TADA2A: variants seen among roughly 807,000 people sequenced by gnomAD.
TADA2A encodes transcriptional adaptor 2A.
A neutral mutation model predicts 67.4 loss-of-function variants in TADA2A; 38 were observed. The ratio of observed to expected loss-of-function variants is 0.56; its 90% CI spans 0.44 to 0.74. The LOEUF is 0.74. Ranked by LOEUF, TADA2A falls within the 30% of genes least tolerant of loss-of-function variation. TADA2A has a pLI of 0.00. For missense variants in TADA2A, 454 were observed against 547.0 expected (o/e 0.83, Z 1.70); for synonymous variants, 192 against 181.6 (o/e 1.06, Z -0.46).
At position 37,423,507 on chromosome 17, in the gene TADA2A, A is replaced by G. The variant is rs1270086600; in HGVS notation, c.26-2A>G. 1 of 1,606,220 alleles carries G rather than the reference A, an allele frequency of 6.2e-7. No individual in the cohort carries two copies. The highest frequency in any genetic ancestry group is 2.2e-5 in the East Asian group (1 of 44,810). On this transcript the variant is annotated splice_acceptor_variant, in intron 2 of 15. Coordinates refer to ENST00000615182, the MANE Select transcript of TADA2A (RefSeq NM_001166105.3). LOFTEE classifies it high-confidence loss of function. Reference sequence around the variant, plus strand: ...TGTGCATTTGTTTTCTGTTTGTTCTAGATGATCCCTCTGATAAGCCACCTT... The same window carrying G: ...TGTGCATTTGTTTTCTGTTTGTTCTGGATGATCCCTCTGATAAGCCACCTT...
At chr17:37,472,579 A>C (rs2053812614) in intron 14 of TADA2A, among the ~76,000 whole-genome samples, 1 of 151,660 alleles carries the variant, frequency 6.6e-6, no homozygotes, top group Non-Finnish European at 1.5e-5. Flanking sequence ...GAACTGGGTC[A>C]GGTGCAGTGG....
At chr17:37,467,574 G>A (rs2148037741) in intron 12 of TADA2A, 49 bp downstream of exon 12, 1 of 1,441,104 alleles carries the variant, frequency 6.9e-7, no homozygotes, top group South Asian at 1.2e-5. Context: ...GTATCTTCCA[G>A]ACACACAGAG....
intron 4 of TADA2A, among the ~76,000 whole-genome samples, chr17:37,430,969 C>T (rs561059101): frequency 6.6e-6 from 1 of 152,028 alleles, no homozygotes; most frequent in South Asian, 2.1e-4. Context: ...TTCATAATAC[C>T]TCATGTGCTA....
At chr17:37,469,064 C>G (rs927552184) in intron 12 of TADA2A, among the ~76,000 whole-genome samples, 4 of 151,482 alleles carry the variant, frequency 2.6e-5, no homozygotes, top group African/African-American at 9.7e-5. Context: ...CCATACCCGG[C>G]TAATTTTTTT....
At chr17:37,466,141 C>T (rs1025141813) in intron 11 of TADA2A, among the ~76,000 whole-genome samples, 6 of 152,122 alleles carry the variant, frequency 3.9e-5, no homozygotes, top group African/African-American at 1.4e-4. Context: ...TGTTATGAGG[C>T]CGGGCGTGGT....
intron 4 of TADA2A, 122 bp from the exon 5 acceptor site, chr17:37,437,616 A>T: frequency 1.3e-6 from 1 of 752,250 alleles, no homozygotes; most frequent in South Asian, 1.7e-5. Flanking sequence ...CGAACTCCTG[A>T]CCTCAGGTGA....
intron 6 of TADA2A, 39 bp downstream of exon 6, chr17:37,440,701 A>T: frequency 1.2e-6 from 2 of 1,609,888 alleles, no homozygotes; most frequent in Non-Finnish European, 1.7e-6. Context: ...TACTTAGCTC[A>T]TCCTTGGGCC....
At chr17:37,465,807 T>C (rs1415882861) in intron 11 of TADA2A, among the ~76,000 whole-genome samples, 3 of 152,094 alleles carry the variant, frequency 2.0e-5, no homozygotes, top group African/African-American at 4.8e-5. Flanking sequence ...CTTTCAAATA[T>C]ATATAGAAGT....
At chr17:37,458,959 G>C (rs1044071979) in intron 9 of TADA2A, among the ~76,000 whole-genome samples, 3 of 152,052 alleles carry the variant, frequency 2.0e-5, no homozygotes, top group Non-Finnish European at 2.9e-5. Flanking sequence ...TTGCAGGCAT[G>C]AGCCACTGTG....
chr17:37,470,392 A>ACCCC lies in TADA2A; in HGVS notation c.896-6_896-3dup. ...TCATTGTGGTCATTGTGTTTTCTATACCCCCAGGTGCCAGAACCTACGATC... is the reference window on the plus strand; with the variant it reads ...TCATTGTGGTCATTGTGTTTTCTATACCCCCCCCCAGGTGCCAGAACCTACGATC... On this transcript the variant is annotated splice_polypyrimidine_tract_variant and splice_region_variant and intron_variant, in intron 12 of 15. Coordinates refer to ENST00000615182, the MANE Select transcript of TADA2A (RefSeq NM_001166105.3). 6.2e-7 allele frequency: 1 copy of ACCCC among 1,613,420 alleles called. No homozygotes were observed. Among genetic ancestry groups the ACCCC allele is most frequent in the Non-Finnish European group, 8.5e-7 (1 of 1,179,772 alleles).
At chr17:37,457,798 A>G (rs796202981) in intron 8 of TADA2A, among the ~76,000 whole-genome samples, 8 of 152,146 alleles carry the variant, frequency 5.3e-5, no homozygotes, top group African/African-American at 1.9e-4. Flanking sequence ...GCCCAGCCCA[A>G]TATTCATTCT....
At chr17:37,457,764 G>C (rs576039965) in intron 8 of TADA2A, among the ~76,000 whole-genome samples, 6 of 152,038 alleles carry the variant, frequency 3.9e-5, no homozygotes, top group Admixed American at 3.9e-4. Context: ...CCAAAGTGCT[G>C]GAATTACAGG....
intron 12 of TADA2A, among the ~76,000 whole-genome samples, chr17:37,469,894 C>CT (rs2053748958): frequency 6.6e-6 from 1 of 152,188 alleles, no homozygotes; most frequent in Non-Finnish European, 1.5e-5. Context: ...TATAGAGACT[C>CT]TGATAACTAA....
intron 4 of TADA2A, among the ~76,000 whole-genome samples, chr17:37,436,961 C>G (rs1450203399): frequency 6.6e-6 from 1 of 151,836 alleles, no homozygotes; most frequent in Non-Finnish European, 1.5e-5. Context: ...TATGGAGGCC[C>G]TTCTAGCTAA....
chr17:37,453,790 G>C lies in TADA2A; in HGVS notation c.605-4734G>C, dbSNP rs1001446990. On this transcript the variant is annotated intron_variant, in intron 8 of 15. Transcript: ENST00000615182. The stretch of plus-strand genomic sequence containing the variant: ...TTTTTTTTTTTTTTTTTTTTTTTGA[G>C]ACAGAGTTTTACTCTTGTTGCCCAG... Among the ~76,000 whole-genome samples the C allele has an allele frequency of 4.1e-5, 3 of 73,316 alleles. No homozygotes were observed. In the Admixed American group the frequency reaches 5.9e-4, roughly 14 times the overall value. The allele number at this position is 73,316 out of a possible 152,430, so 48.1% of individuals were successfully genotyped here.
intron 4 of TADA2A, among the ~76,000 whole-genome samples, chr17:37,432,749 T>G (rs2052606728): frequency 1.3e-5 from 2 of 152,122 alleles, no homozygotes; most frequent in South Asian, 4.1e-4. Flanking sequence ...AGTAAATGAT[T>G]GTTTAACTTT....
At chr17:37,452,552 T>C (rs1363393845) in intron 8 of TADA2A, among the ~76,000 whole-genome samples, 1 of 152,236 alleles carries the variant, frequency 6.6e-6, no homozygotes, top group African/African-American at 2.4e-5. Context: ...TATTTGGTTA[T>C]ACTGTATGTC....
chr17:37,473,137 T>TG (rs2053826368), intron 14 of TADA2A, among the ~76,000 whole-genome samples: 1 of 147,006 alleles, frequency 6.8e-6, no homozygotes, highest in Non-Finnish European at 1.5e-5. Context: ...ATTTTTTTTT[T>TG]TTTTTTTTTT....
chr17:37,461,807 T>G, intron 9 of TADA2A: 1 of 296,332 alleles, frequency 3.4e-6, no homozygotes, highest in Non-Finnish European at 6.3e-6. Context: ...TTTTTCAGCA[T>G]TTGTGAGTGG....
Sources: allele counts gnomAD v4.1 joint callset (sites outside exome capture counted in the v4.1 genomes callset), GRCh38; gene constraint gnomAD v4.1.1; transcripts MANE v1.5; gene names NCBI Gene and HGNC (gene_info 2026-07-23, HGNC 2026-07-21).